The following CSMD3 variants were observed in gnomAD, a reference collection of about 807,000 sequenced individuals.
CSMD3 encodes CUB and sushi domain-containing protein 3.
A neutral mutation model predicts 435.2 loss-of-function variants in CSMD3; 177 were observed. The ratio of observed to expected loss-of-function variants is 0.41; its 90% CI spans 0.36 to 0.46. The LOEUF (loss-of-function observed/expected upper bound fraction) is 0.46, where lower values mean the gene tolerates loss of function less well. CSMD3 is among the 20% of genes least tolerant of loss of function. The pLI is 0.34. For missense variants in CSMD3, 4,265 were observed against 4,504.6 expected, an observed-to-expected ratio of 0.95 and a Z score of 1.52; for synonymous variants, 1,656 against 1,520.5, an observed-to-expected ratio of 1.09 and a Z score of -2.07.
intron 38 of CSMD3, among the ~76,000 whole-genome samples, chr8:112,353,010 G>A (rs1032140759): frequency 1.1e-4 from 17 of 151,772 alleles, no homozygotes; most frequent in African/African-American, 4.1e-4. Flanking sequence ...AAATTTATGA[G>A]GTACATTTTG....
At chr8:113,099,741 G>A (rs2090275897) in intron 4 of CSMD3, among the ~76,000 whole-genome samples, 1 of 151,990 alleles carries the variant, frequency 6.6e-6, no homozygotes, top group Non-Finnish European at 1.5e-5. Context: ...CTAGCAGCGT[G>A]GTTATATGAG....
intron 38 of CSMD3, among the ~76,000 whole-genome samples, chr8:112,358,820 G>A (rs970742529): frequency 2.0e-5 from 3 of 152,002 alleles, no homozygotes; most frequent in South Asian, 2.1e-4. Flanking sequence ...GCTGACTACC[G>A]AGGTGATGAG....
At position 112,392,865 on chromosome 8, in the gene CSMD3, T is replaced by TTTC. The variant is rs71566020; in HGVS notation, c.5810-2078_5810-2077insGAA. Among the ~76,000 whole-genome samples, 6 of 57,226 alleles carry TTTC rather than the reference T, an allele frequency of 1.0e-4. No homozygotes were observed. The African/African-American group carries it at 2.3e-3, about 22-fold the overall frequency. The allele number at this position is 57,226 out of a possible 152,430, so 37.5% of individuals were successfully genotyped here. A position where few individuals can be genotyped will look rare whatever the true frequency, so the allele number is the denominator to read the frequency against. Reference sequence around the variant, plus strand: ...GCTCACAGATAGTTTCTTTTTTTTCTTTTTTTTTTTTTTTTTTTGAAACAA... The same window carrying TTTC: ...GCTCACAGATAGTTTCTTTTTTTTCTTTCTTTTTTTTTTTTTTTTTTGAAACAA... On this transcript the variant is annotated intron_variant, in intron 35 of 70. Transcript: ENST00000297405.
intron 19 of CSMD3, among the ~76,000 whole-genome samples, chr8:112,646,520 T>C (rs2074985264): frequency 6.6e-6 from 1 of 152,134 alleles, no homozygotes; most frequent in East Asian, 1.9e-4. Context: ...TCTTGGGAAT[T>C]TTTTTGTCTG....
At position 112,352,384 on chromosome 8, in the gene CSMD3, A is replaced by G. The variant is rs368062940; in HGVS notation, c.6255+32T>C. On this transcript the variant is annotated intron_variant, in intron 39 of 70. Coordinates refer to ENST00000297405, the MANE Select transcript of CSMD3 (RefSeq NM_198123.2). ...GTAAAATATTCTGAAAGGGCCATGA[A>G]AATCAAAACCACAACTTTAAAATAG... 7 of 1,611,954 alleles carry G rather than the reference A, an allele frequency of 4.3e-6. No individual in the cohort carries two copies. In the African/African-American group the frequency reaches 6.7e-5, roughly 15 times the overall value.
At position 112,337,653 on chromosome 8, in the gene CSMD3, T is replaced by G. The variant is rs1366491159; in HGVS notation, c.6731A>C (p.Gln2244Pro). The G allele has an allele frequency of 3.1e-6, 5 of 1,613,626 alleles. No individual in the cohort carries two copies. The highest frequency in any genetic ancestry group is 4.2e-6 in the Non-Finnish European group (5 of 1,179,656). Residue 2244 changes from glutamine (Q) to proline (P), a missense_variant, in exon 43 of 71, where the codon CAA becomes CCA. Physicochemically the swap from Gln to Pro is moderately conservative, Grantham distance 76. This residue lies in a region of CSMD3 where 3,255 missense variants were observed against 3,380.2 expected (regional missense o/e 0.96). Transcript: ENST00000297405. ...FVIGNDFTVG[Q>P]TISFECFPGY... ...TGGGAAACATTCAAATGAAATGGTT[T>G]GACCCACAGTAAAATCATTACCAAT...
intron 4 of CSMD3, among the ~76,000 whole-genome samples, chr8:113,141,806 T>C (rs555465058): frequency 1.3e-5 from 2 of 151,142 alleles, no homozygotes; most frequent in African/African-American, 4.8e-5. Context: ...AAAACAGTTG[T>C]AGCTAGTACA....
At chr8:112,588,939 C>T (rs1830952575) in intron 22 of CSMD3, among the ~76,000 whole-genome samples, 1 of 151,916 alleles carries the variant, frequency 6.6e-6, no homozygotes, top group South Asian at 2.1e-4. Context: ...TTTGTGGAGG[C>T]ATGAAGACAA....
chr8:112,905,687 C>T (rs1001837195), intron 10 of CSMD3, among the ~76,000 whole-genome samples: 10 of 151,314 alleles, frequency 6.6e-5, no homozygotes, highest in South Asian at 2.1e-4. Flanking sequence ...TATGAGAATC[C>T]GATACTTGGT....
At chr8:112,251,437 C>T (rs1453897344) in intron 63 of CSMD3, among the ~76,000 whole-genome samples, 1 of 151,488 alleles carries the variant, frequency 6.6e-6, no homozygotes, top group Non-Finnish European at 1.5e-5. Context: ...CCTAGGCTTC[C>T]TGGTTCAAGA....
intron 3 of CSMD3, among the ~76,000 whole-genome samples, chr8:113,206,801 T>C (rs2092776091): frequency 6.6e-6 from 1 of 152,216 alleles, no homozygotes; most frequent in South Asian, 2.1e-4. Flanking sequence ...TATTTCTCTA[T>C]TGATGGCTAT....
chr8:112,764,565 C>A (rs555444570), intron 13 of CSMD3, among the ~76,000 whole-genome samples: 1 of 151,300 alleles, frequency 6.6e-6, no homozygotes, highest in African/African-American at 2.4e-5. Context: ...GTACACAGTT[C>A]AAAAACTTTT....
At chr8:112,876,918 T>C (rs185898695) in intron 10 of CSMD3, among the ~76,000 whole-genome samples, 46 of 152,248 alleles carry the variant, frequency 3.0e-4, no homozygotes, top group African/African-American at 1.1e-3. Flanking sequence ...AATCTCAGGA[T>C]ACAAAATCAA....
chr8:112,529,730 A>G (rs1825338423), intron 27 of CSMD3, among the ~76,000 whole-genome samples: 1 of 152,154 alleles, frequency 6.6e-6, no homozygotes, highest in South Asian at 2.1e-4. Flanking sequence ...GACGGGATGC[A>G]GTGTGTATAA....
chr8:113,404,986 G>C (rs1219903058), intron 1 of CSMD3, among the ~76,000 whole-genome samples: 4 of 151,570 alleles, frequency 2.6e-5, no homozygotes, highest in Non-Finnish European at 5.9e-5. Flanking sequence ...GTCAAATTAA[G>C]TCTATGTTGC....
At chr8:112,376,521 C>T (rs1023289270) in intron 38 of CSMD3, among the ~76,000 whole-genome samples, 12 of 152,006 alleles carry the variant, frequency 7.9e-5, no homozygotes, top group Admixed American at 3.3e-4. Flanking sequence ...GAGAGTTTCA[C>T]GTCATTCAAA....
chr8:112,407,670 T>C (rs1831977718), intron 34 of CSMD3, among the ~76,000 whole-genome samples: 1 of 152,022 alleles, frequency 6.6e-6, no homozygotes, highest in South Asian at 2.1e-4. Context: ...AAATCACAAA[T>C]GTTTATACAT....
chr8:113,018,034 C>A (rs1364161196), intron 6 of CSMD3, among the ~76,000 whole-genome samples: 1 of 151,884 alleles, frequency 6.6e-6, no homozygotes, highest in African/African-American at 2.4e-5. Context: ...ATCATTATTG[C>A]AGATTTTCTA....
intron 59 of CSMD3, among the ~76,000 whole-genome samples, chr8:112,279,720 A>G (rs1818445275): frequency 6.6e-6 from 1 of 152,168 alleles, no homozygotes; most frequent in Non-Finnish European, 1.5e-5. Flanking sequence ...GTTGATTACC[A>G]CAGCCTAAAT....
Sources: gnomAD v4.1 joint callset for allele counts (sites outside exome capture counted in the v4.1 genomes callset) on GRCh38, gnomAD v4.1.1 for gene constraint, gnomAD v4.1.1 regional missense constraint, MANE v1.5 for transcripts, NCBI Gene and HGNC (gene_info 2026-07-23, HGNC 2026-07-21) for gene names.